Variants in DOCK7 observed in about 807,000 individuals in gnomAD.
The protein encoded by DOCK7 is dedicator of cytokinesis protein 7.
DOCK7 carries 138 observed loss-of-function variants against 271.0 expected under a neutral mutation model. The observed-to-expected ratio is 0.51, with a 90% confidence interval of 0.44 to 0.59. DOCK7 has a LOEUF of 0.59. Among genes scored for constraint, DOCK7 ranks in the 20% least tolerant of loss-of-function variants. The pLI is 0.00. For missense variants in DOCK7, 2,066 were observed against 2,592.4 expected, an observed-to-expected ratio of 0.80 and a Z score of 4.41; for synonymous variants, 823 against 876.1, an observed-to-expected ratio of 0.94 and a Z score of 1.07.
chr1:62,536,457 T>A (rs1034937229), intron 28 of DOCK7, among the ~76,000 whole-genome samples: 2 of 152,214 alleles, frequency 1.3e-5, no homozygotes, highest in African/African-American at 4.8e-5. Context: ...TATTTATGAT[T>A]AATCTGTCTT....
chr1:62,505,725 T>G lies in DOCK7; in HGVS notation c.4568A>C (p.Tyr1523Ser). ...CTGTGTAGCAAAACAGTGTTGTAGA[T>G]AAACTGCACTTTGGTTACAGGCCAT... ...HSMACNQSAV[Y>S]LQHCFATQRA... Residue 1523 changes from tyrosine (Y) to serine (S), a missense_variant, in exon 36 of 50, where the codon TAT becomes TCT. Physicochemically the swap from Tyr to Ser is moderately radical, Grantham distance 144. Coordinates refer to ENST00000635253, the MANE Select transcript of DOCK7 (RefSeq NM_001367561.1). The G allele has an allele frequency of 6.2e-7, 1 of 1,613,686 alleles. No homozygotes were observed.
chr1:62,645,926 A>C (rs1656591471), intron 7 of DOCK7, among the ~76,000 whole-genome samples: 1 of 151,870 alleles, frequency 6.6e-6, no homozygotes, highest in Admixed American at 6.6e-5. Context: ...GGCAGGCAGA[A>C]CACGAGGTCA....
rs1662103173 is a variant in DOCK7 at position 62,688,332 on chromosome 1, C to T, written c.-68G>A. On this transcript the variant is annotated 5_prime_UTR_variant, in exon 1 of 50. Transcript: ENST00000635253. ...CCGGGTGCGGACCGGCGGGCGCGTG[C>T]CTCCTCGCTCGTGCTCCCTCCCTCG... The T allele has an allele frequency of 4.7e-6, 5 of 1,066,094 alleles. No individual in the cohort carries two copies. The highest frequency in any genetic ancestry group is 4.7e-6 in the Non-Finnish European group (4 of 851,790). 66.0% of individuals were successfully genotyped at this position (1,066,094 alleles called of 1,614,324 possible). A position where few individuals can be genotyped will look rare whatever the true frequency, so the allele number is the denominator to read the frequency against.
rs560233067 is a variant in DOCK7 at position 62,680,928 on chromosome 1, G to C, written c.38+7299C>G. ...GTGGAGAAATAGGAACACTTTTACAGTGTTGGTGGGACTGTAAACTAATTC... is the reference window on the plus strand; with the variant it reads ...GTGGAGAAATAGGAACACTTTTACACTGTTGGTGGGACTGTAAACTAATTC... On this transcript the variant is annotated intron_variant, in intron 1 of 49. Transcript: ENST00000635253. Among the ~76,000 whole-genome samples the C allele has an allele frequency of 2.4e-3, 364 of 152,280 alleles. 3 individuals carry two copies. Among genetic ancestry groups the C allele is most frequent in the African/African-American group, 7.5e-3 (313 of 41,546 alleles).
chr1:62,653,796 AT>A lies in DOCK7; in HGVS notation c.321-4del. 6.3e-7 allele frequency: 1 copy of A among 1,587,286 alleles called. No homozygotes were observed. The highest frequency in any genetic ancestry group is 8.6e-7 in the Non-Finnish European group (1 of 1,157,346). ...CTCTAACATGTGGATCCATTTCACT[AT>A]TTTAAAAAGGAAAATACATTTGTAA... On this transcript the variant is annotated splice_region_variant and splice_polypyrimidine_tract_variant and intron_variant, in intron 3 of 49. Coordinates refer to ENST00000635253, the MANE Select transcript of DOCK7 (RefSeq NM_001367561.1).
chr1:62,514,424 T>C (rs1048159423), intron 31 of DOCK7, among the ~76,000 whole-genome samples: 26 of 152,262 alleles, frequency 1.7e-4, no homozygotes, highest in African/African-American at 6.0e-4. Flanking sequence ...ACTTATAGCA[T>C]ATAAGGTTGA....
At chr1:62,495,917 AG>A (rs932316578) in intron 38 of DOCK7, 6 of 412,382 alleles carry the variant, frequency 1.5e-5, no homozygotes, top group Non-Finnish European at 2.5e-5. Context: ...GGAAACAAGC[AG>A]AACTGTAAGT....
chr1:62,628,483 C>A (rs1453870861), intron 11 of DOCK7: 1 of 152,154 alleles, frequency 6.6e-6, no homozygotes, highest in Non-Finnish European at 1.5e-5. Context: ...GGTGCTGAAA[C>A]AACTGGATAT....
chr1:62,459,558 T>C (rs1314213167), intron 48 of DOCK7, among the ~76,000 whole-genome samples: 2 of 152,162 alleles, frequency 1.3e-5, no homozygotes, highest in Admixed American at 6.6e-5. Flanking sequence ...AAAAACCCTC[T>C]GAATTTATAT....
chr1:62,519,497 T>G (rs1644780125), intron 31 of DOCK7, among the ~76,000 whole-genome samples: 2 of 152,104 alleles, frequency 1.3e-5, no homozygotes, highest in African/African-American at 4.8e-5. Context: ...AAAAACAACT[T>G]CTTAAATAGC....
intron 41 of DOCK7, among the ~76,000 whole-genome samples, chr1:62,489,900 C>T (rs563293929): frequency 6.6e-6 from 1 of 152,076 alleles, no homozygotes; most frequent in East Asian, 1.9e-4. Context: ...TATTGTAAAT[C>T]TCCTATGGAA....
chr1:62,648,037 T>C (rs917087629), intron 6 of DOCK7, 69 bp downstream of exon 6: 11 of 1,421,476 alleles, frequency 7.7e-6, no homozygotes, highest in Non-Finnish European at 1.1e-5. Flanking sequence ...TGTAATACTA[T>C]ATATCAATCA....
intron 1 of DOCK7, among the ~76,000 whole-genome samples, chr1:62,686,977 G>A (rs1214784602): frequency 1.3e-5 from 2 of 151,788 alleles, no homozygotes; most frequent in East Asian, 1.9e-4. Context: ...GGGGGGACTC[G>A]CTATGTTGCC....
At position 62,552,791 on chromosome 1, in the gene DOCK7, C is replaced by A. The variant is rs759007079; in HGVS notation, c.2707G>T (p.Asp903Tyr). The part of the protein sequence containing the change: ...RSRSLSNSNP[D>Y]ISGTPTSPDD... ...GGTGACGTGGGAGTCCCAGATATAT[C>A]TGGATTGCTATTACTAAGGCTTCGA... The change falls in exon 22 of 50, where the codon GAT (aspartate) becomes TAT (tyrosine). Residue 903 changes from aspartate to tyrosine, a missense_variant. Around this residue, in one of 2 missense-constraint regions of DOCK7, gnomAD observed 1,414 missense variants for 1,670.4 expected, o/e 0.85. Transcript: ENST00000635253. 1.9e-6 allele frequency: 3 copies of A among 1,613,938 alleles called. No homozygotes were observed. The highest frequency in any genetic ancestry group is 2.5e-6 in the Non-Finnish European group (3 of 1,179,946).
intron 7 of DOCK7, among the ~76,000 whole-genome samples, chr1:62,647,079 C>T (rs1353460164): frequency 1.3e-5 from 2 of 152,162 alleles, no homozygotes; most frequent in Non-Finnish European, 2.9e-5. Context: ...ATATAGACAT[C>T]GTCTGTCCCT....
chr1:62,525,283 A>AAT (rs1348826554), intron 31 of DOCK7, among the ~76,000 whole-genome samples: 1 of 152,086 alleles, frequency 6.6e-6, no homozygotes, highest in Non-Finnish European at 1.5e-5. Flanking sequence ...TGCTGGGATT[A>AAT]CAGGCGTGAG....
At chr1:62,461,405 G>A (rs1645522205) in intron 48 of DOCK7, among the ~76,000 whole-genome samples, 1 of 151,980 alleles carries the variant, frequency 6.6e-6, no homozygotes, top group Non-Finnish European at 1.5e-5. Context: ...CTGCAGCTGG[G>A]CACAGAGGCT....
intron 15 of DOCK7, among the ~76,000 whole-genome samples, chr1:62,585,741 C>T (rs1432407757): frequency 1.3e-5 from 2 of 152,160 alleles, no homozygotes; most frequent in African/African-American, 2.4e-5. Context: ...CCATGAGATG[C>T]CTGTTACCTC....
At chr1:62,472,231 A>G (rs1213905974) in intron 48 of DOCK7, among the ~76,000 whole-genome samples, 1 of 151,878 alleles carries the variant, frequency 6.6e-6, no homozygotes, top group Non-Finnish European at 1.5e-5. Context: ...CAGCCTCCCA[A>G]GTAGCTGGGA....
Sources: gnomAD v4.1 joint callset for allele counts (sites outside exome capture counted in the v4.1 genomes callset) on GRCh38, gnomAD v4.1.1 for gene constraint, gnomAD v4.1.1 regional missense constraint, MANE v1.5 for transcripts, NCBI Gene and HGNC (gene_info 2026-07-23, HGNC 2026-07-21) for gene names.